Variants in CCNT2 observed in about 807,000 individuals in gnomAD.
The protein encoded by CCNT2 is cyclin T2.
A neutral mutation model predicts 70.0 loss-of-function variants in CCNT2; 18 were observed. The observed-to-expected ratio is 0.26, with a 90% CI of 0.18 to 0.38. The LOEUF is 0.38. CCNT2 is among the 10% of genes least tolerant of loss of function. The pLI is 1.00. For synonymous variants in CCNT2, 334 were observed against 313.3 expected (o/e 1.07, Z -0.70); for missense variants, 734 against 890.2 (o/e 0.82, Z 2.23).
At chr2:134,947,383 A>G (rs1272041093) in intron 6 of CCNT2, among the ~76,000 whole-genome samples, 1 of 152,212 alleles carries the variant, frequency 6.6e-6, no homozygotes, top group Non-Finnish European at 1.5e-5. Context: ...ATGACATTAC[A>G]AAAGAAAAAT....
chr2:134,932,369 C>T (rs144803595), intron 2 of CCNT2, among the ~76,000 whole-genome samples: 18 of 152,168 alleles, frequency 1.2e-4, no homozygotes, highest in Admixed American at 6.5e-4. Flanking sequence ...TTTTAAATGC[C>T]GGTTATGTTA....
intron 2 of CCNT2, among the ~76,000 whole-genome samples, chr2:134,928,270 A>ATTTTTTTT (rs1680442850): frequency 3.8e-5 from 3 of 77,988 alleles, no homozygotes; most frequent in East Asian, 6.9e-4. Flanking sequence ...CTCACATTGT[A>ATTTTTTTT]TTTCTTTTTT....
chr2:134,937,053 A>G (rs1681204780), intron 3 of CCNT2, 84 bp downstream of exon 3: 1 of 903,938 alleles, frequency 1.1e-6, no homozygotes. Flanking sequence ...ACACAGTTCA[A>G]TTAGTGGTGC....
At chr2:134,943,896 T>C in intron 5 of CCNT2, 2 of 971,112 alleles carry the variant, frequency 2.1e-6, no homozygotes, top group Non-Finnish European at 2.4e-6. Flanking sequence ...CTAAACAAAA[T>C]GAGTACGACT....
At chr2:134,930,677 T>C (rs954068618) in intron 2 of CCNT2, among the ~76,000 whole-genome samples, 15 of 152,260 alleles carry the variant, frequency 9.9e-5, no homozygotes, top group Middle Eastern at 3.4e-3. Context: ...TCATCACTTT[T>C]CTCGTCTTTT....
chr2:134,919,026 T>C lies in CCNT2; in HGVS notation c.158+14T>C. ...GCGTCTCAATGTGTATCCTTTTCTG[T>C]TCGCCGCCGCTCACGCCCTGTTTCC... On this transcript the variant is annotated intron_variant, in intron 1 of 8. Coordinates refer to ENST00000264157, the MANE Select transcript of CCNT2 (RefSeq NM_058241.3). 1 of 1,587,252 alleles carries C rather than the reference T, an allele frequency of 6.3e-7. No individual in the cohort carries two copies. The highest frequency in any genetic ancestry group is 2.3e-5 in the East Asian group (1 of 43,860).
chr2:134,940,465 A>T (rs1226997388), intron 4 of CCNT2, among the ~76,000 whole-genome samples: 2 of 152,190 alleles, frequency 1.3e-5, no homozygotes, highest in South Asian at 2.1e-4. Context: ...TAAAAATTTT[A>T]AAAAGTTAGG....
chr2:134,922,021 C>G (rs1679947135), intron 2 of CCNT2, among the ~76,000 whole-genome samples: 1 of 152,142 alleles, frequency 6.6e-6, no homozygotes, highest in Admixed American at 6.5e-5. Context: ...TGTCAGTGCA[C>G]TTGCATCAAT....
At chr2:134,944,226 T>A (rs1681786060) in intron 5 of CCNT2, 8 of 981,696 alleles carry the variant, frequency 8.1e-6, no homozygotes, top group African/African-American at 1.8e-5. Context: ...GTTGTAGTTG[T>A]TGAATTAAGG....
chr2:134,953,983 C>T lies in CCNT2; in HGVS notation c.1528C>T (p.Pro510Ser), dbSNP rs751838582. The T allele has an allele frequency of 6.2e-7, 1 of 1,614,056 alleles. No individual in the cohort carries two copies. The highest frequency in any genetic ancestry group is 1.1e-5 in the South Asian group (1 of 91,068). Residue 510 changes from proline to serine, a missense_variant, in exon 9 of 9, where the codon CCA (proline) becomes TCA (serine). Around this residue, in one of 3 missense-constraint regions of CCNT2, gnomAD observed 532 missense variants for 556.9 expected, o/e 0.96. Transcript: ENST00000264157. Reference protein sequence around the residue: ...EKSGSLKLRIPIPPTDKSASK... With the variant: ...EKSGSLKLRISIPPTDKSASK... ...GAGTGGGTCACTGAAATTACGGATT[C>T]CAATACCACCCACTGATAAAAGCGC...
intron 5 of CCNT2, chr2:134,942,879 G>C (rs1681674965): frequency 7.4e-7 from 1 of 1,348,344 alleles, no homozygotes; most frequent in African/African-American, 1.5e-5. Flanking sequence ...TTTAAACATA[G>C]GTAAGAATCT....
chr2:134,951,309 G>T (rs1682481511), intron 7 of CCNT2, among the ~76,000 whole-genome samples: 1 of 152,086 alleles, frequency 6.6e-6, no homozygotes, highest in Non-Finnish European at 1.5e-5. Flanking sequence ...TATTGAGGTG[G>T]AATTGGCATT....
At position 134,953,180 on chromosome 2, in the gene CCNT2, A is replaced by G. The variant is rs777019755; in HGVS notation, c.775-50A>G. On this transcript the variant is annotated intron_variant, in intron 8 of 8. Coordinates refer to ENST00000264157, the MANE Select transcript of CCNT2 (RefSeq NM_058241.3). ...AACTTTTATAAGACAAGAAATTTGC[A>G]TTAAATTATTTTGCTATATCACTGC... The G allele has an allele frequency of 3.1e-6, 4 of 1,291,586 alleles. No homozygotes were observed. In the South Asian group the frequency reaches 5.6e-5, roughly 18 times the overall value. 80.0% of individuals were successfully genotyped at this position (1,291,586 alleles called of 1,614,324 possible).
At chr2:134,945,188 G>C (rs1681859606) in intron 5 of CCNT2, 1 of 985,166 alleles carries the variant, frequency 1.0e-6, no homozygotes, top group African/African-American at 1.7e-5. Context: ...ACATGGGGCA[G>C]CAGGGATTAC....
intron 4 of CCNT2, 114 bp downstream of exon 4, chr2:134,939,176 G>A (rs951900737): frequency 1.3e-5 from 10 of 755,970 alleles, no homozygotes; most frequent in African/African-American, 1.1e-4. Flanking sequence ...TTTAAAACAG[G>A]TTTTAGACAG....
Position 134,943,401 on chromosome 2 carries a change from CAA to C in CCNT2, c.493+736_493+737del, listed in dbSNP as rs199863815. On this transcript the variant is annotated intron_variant, in intron 5 of 8. Coordinates refer to ENST00000264157, the MANE Select transcript of CCNT2 (RefSeq NM_058241.3). ...GGGCAGCAAGAGTGAGACCCTATCT[CAA>C]AAAAAAAAGTTATTTTTGTGGGGGG... 4.1e-4 allele frequency: 361 copies of C among 877,740 alleles called. 3 individuals are homozygous for C. The South Asian group carries it at 0.016, about 39-fold the overall frequency. 54.4% of individuals were successfully genotyped at this position (877,740 alleles called of 1,614,324 possible).
rs1349907576 is a variant in CCNT2, at chr2:134,954,272, G to A, written c.1817G>A (p.Ser606Asn). The part of the protein sequence containing the change: ...PTVLRSPVGL[S>N]SDGISSSSSS... ...GTTCTGAGGAGTCCTGTTGGCCTGA[G>A]CAGTGATGGCATTTCCTCTAGCTCC... is the stretch of plus-strand genomic sequence containing the variant. The change falls in exon 9 of 9, where the codon AGC (serine) becomes AAC (asparagine). Residue 606 changes from serine (S) to asparagine (N), a missense_variant. Ser to Asn is a conservative substitution (Grantham distance 46, BLOSUM62 1). Coordinates refer to ENST00000264157, the MANE Select transcript of CCNT2 (RefSeq NM_058241.3). 6.2e-7 allele frequency: 1 copy of A among 1,614,192 alleles called. No individual in the cohort carries two copies. Among genetic ancestry groups the A allele is most frequent in the South Asian group, 1.1e-5 (1 of 91,078 alleles).
intron 7 of CCNT2, among the ~76,000 whole-genome samples, chr2:134,949,859 A>C (rs914591665): frequency 2.0e-5 from 3 of 151,126 alleles, no homozygotes; most frequent in Non-Finnish European, 4.4e-5. Context: ...GCGGTGGCGC[A>C]ATCTCGGCTC....
chr2:134,929,781 G>A (rs542989998), intron 2 of CCNT2, among the ~76,000 whole-genome samples: 2 of 151,248 alleles, frequency 1.3e-5, no homozygotes, highest in South Asian at 4.2e-4. Context: ...TCCCTGAGTA[G>A]CTGGGATTAC....
Sources: allele counts gnomAD v4.1 joint callset (sites outside exome capture counted in the v4.1 genomes callset), GRCh38; gene constraint gnomAD v4.1.1; regional missense constraint gnomAD v4.1.1; transcripts MANE v1.5; gene names NCBI Gene and HGNC (gene_info 2026-07-23, HGNC 2026-07-21).